The following CYP19A1 variants were observed in gnomAD, a reference collection of about 807,000 sequenced individuals.
CYP19A1 encodes the protein cytochrome P450 family 19 subfamily A member 1, also known as aromatase.
Under a neutral mutation model 44.4 loss-of-function variants are expected in CYP19A1, and 32 were observed. The ratio of observed to expected loss-of-function variants is 0.72; its 90% CI spans 0.54 to 0.97. The LOEUF is 0.97. Among genes scored for constraint, CYP19A1 ranks in the 50% least tolerant of loss-of-function variants. The pLI, the probability that CYP19A1 is intolerant of heterozygous loss-of-function variation, is 0.00. For synonymous variants in CYP19A1, 212 were observed against 215.6 expected, an observed-to-expected ratio of 0.98 and a Z score of 0.14; for missense variants, 598 against 637.8, an observed-to-expected ratio of 0.94 and a Z score of 0.67.
At position 51,222,410 on chromosome 15, in the gene CYP19A1, G is replaced by A. The variant is rs1200447361; in HGVS notation, c.567C>T (p.Thr189=). The A allele has an allele frequency of 6.2e-7, 1 of 1,614,010 alleles. No homozygotes were observed. The highest frequency in any genetic ancestry group is 1.3e-5 in the African/African-American group (1 of 74,908). The change falls in exon 5 of 10, where the codon ACC becomes ACT. Residue 189 remains threonine, a synonymous_variant. Coordinates refer to ENST00000396402, the MANE Select transcript of CYP19A1 (RefSeq NM_000103.4). ...TNESGYVDVL[T]LLRRVMLDTS... ...TGTCCAGCATGACACGACGCAGAAG[G>A]GTCAACACGTCCACATAGCCCGATT...
At chr15:51,230,589 A>C (rs1411277189) in intron 3 of CYP19A1, among the ~76,000 whole-genome samples, 2 of 149,820 alleles carry the variant, frequency 1.3e-5, no homozygotes, top group Non-Finnish European at 3.0e-5. Flanking sequence ...AGTGATGAGG[A>C]GGCAATTAAT....
At chr15:51,222,098 A>G in intron 5 of CYP19A1, 1 of 622,830 alleles carries the variant, frequency 1.6e-6, no homozygotes, top group Non-Finnish European at 2.7e-6. Flanking sequence ...AACTGTGGGT[A>G]GAATTCTATT....
At position 51,265,964 on chromosome 15, in the gene CYP19A1, T is replaced by TC. The variant is rs751951016; in HGVS notation, c.-38-23015dup. ...AGAGGATATGCCTGGTCTGGATAAATCTAGTGATAGCTCCAGAAACATAGC... is the reference window on the plus strand; with the variant it reads ...AGAGGATATGCCTGGTCTGGATAAATCCTAGTGATAGCTCCAGAAACATAGC... On this transcript the variant is annotated intron_variant, in intron 1 of 9. Coordinates refer to ENST00000396402, the MANE Select transcript of CYP19A1 (RefSeq NM_000103.4). Among the ~76,000 whole-genome samples the TC allele has an allele frequency of 3.3e-5, 5 of 152,326 alleles. No individual in the cohort carries two copies. In the East Asian group the frequency reaches 9.6e-4, roughly 29 times the overall value.
chr15:51,262,158 C>T (rs1393488034), intron 1 of CYP19A1, among the ~76,000 whole-genome samples: 6 of 152,226 alleles, frequency 3.9e-5, no homozygotes, highest in East Asian at 1.9e-4. Context: ...ATAGCATGAG[C>T]GATCTGTGCC....
At chr15:51,297,755 T>C (rs376761381) in intron 1 of CYP19A1, among the ~76,000 whole-genome samples, 3 of 150,822 alleles carry the variant, frequency 2.0e-5, no homozygotes, top group Non-Finnish European at 2.9e-5. Flanking sequence ...AAAATTCTCA[T>C]TGTAGTCTCC....
intron 3 of CYP19A1, among the ~76,000 whole-genome samples, chr15:51,229,358 C>T (rs1005713712): frequency 1.3e-5 from 2 of 149,500 alleles, no homozygotes; most frequent in African/African-American, 4.9e-5. Flanking sequence ...CCATTGCACT[C>T]CAACCTAGGT....
At chr15:51,263,436 G>A (rs1429246290) in intron 1 of CYP19A1, among the ~76,000 whole-genome samples, 2 of 152,236 alleles carry the variant, frequency 1.3e-5, no homozygotes, top group East Asian at 1.9e-4. Context: ...AAGCGTGGCT[G>A]TTAAAGGAGA....
chr15:51,218,634 A>C lies in CYP19A1; in HGVS notation c.650T>G (p.Ile217Ser). The C allele has an allele frequency of 6.2e-7, 1 of 1,613,550 alleles. No individual in the cohort carries two copies. Among genetic ancestry groups the C allele is most frequent in the Non-Finnish European group, 8.5e-7 (1 of 1,179,788 alleles). ...PLDESAIVVKIQGYFDAWQAL... is the reference protein window; with the variant it reads ...PLDESAIVVKSQGYFDAWQAL... ...TTGCCATGCATCAAAATAACCTTGG[A>C]TTTTAACCACGATAGCACTTTCTGT... Residue 217 changes from isoleucine (I) to serine (S), a missense_variant, in exon 6 of 10, where the codon ATC becomes AGC. Coordinates refer to ENST00000396402, the MANE Select transcript of CYP19A1 (RefSeq NM_000103.4).
chr15:51,288,432 C>A (rs1220446985), intron 1 of CYP19A1, among the ~76,000 whole-genome samples: 1 of 152,188 alleles, frequency 6.6e-6, no homozygotes. Context: ...CATCCCACAC[C>A]CTTTGGGGGT....
chr15:51,223,475 G>A (rs957627923), intron 4 of CYP19A1, among the ~76,000 whole-genome samples: 2 of 151,804 alleles, frequency 1.3e-5, no homozygotes, highest in Non-Finnish European at 2.9e-5. Context: ...ATTCAGGTTT[G>A]CTGTTAACAT....
intron 1 of CYP19A1, among the ~76,000 whole-genome samples, chr15:51,272,481 G>C (rs1182577895): frequency 6.6e-6 from 1 of 152,180 alleles, no homozygotes; most frequent in Non-Finnish European, 1.5e-5. Flanking sequence ...TGGCAGAAGA[G>C]TTTGAGCTTC....
At chr15:51,268,615 T>TA (rs1354606629) in intron 1 of CYP19A1, among the ~76,000 whole-genome samples, 2 of 150,738 alleles carry the variant, frequency 1.3e-5, no homozygotes, top group African/African-American at 4.9e-5. Flanking sequence ...TTCTCTTGAG[T>TA]AAAAATCTAA....
chr15:51,278,747 T>C (rs2035415074), intron 1 of CYP19A1, among the ~76,000 whole-genome samples: 1 of 152,162 alleles, frequency 6.6e-6, no homozygotes, highest in Non-Finnish European at 1.5e-5. Context: ...TTCTCTCCTG[T>C]ACTGAGATAT....
At chr15:51,244,435 A>G (rs370789102) in intron 1 of CYP19A1, among the ~76,000 whole-genome samples, 1 of 151,932 alleles carries the variant, frequency 6.6e-6, no homozygotes, top group Admixed American at 6.6e-5. Context: ...CTGAAAGCAC[A>G]TTGTGCTTAT....
At chr15:51,333,211 T>C (rs1481235234) in intron 1 of CYP19A1, among the ~76,000 whole-genome samples, 1 of 152,072 alleles carries the variant, frequency 6.6e-6, no homozygotes, top group African/African-American at 2.4e-5. Flanking sequence ...AGTATAAGGG[T>C]AATGTTTTCT....
At position 51,215,814 on chromosome 15, in the gene CYP19A1, C is replaced by T; in HGVS notation, c.747G>A (p.Lys249=). 3 of 1,613,624 alleles carry T rather than the reference C, an allele frequency of 1.9e-6. No individual in the cohort carries two copies. Among genetic ancestry groups the T allele is most frequent in the Non-Finnish European group, 2.5e-6 (3 of 1,179,916 alleles). ...WLYKKYEKSV[K]DLKDAIEVLI... is the part of the protein sequence containing the mutation. Reference sequence around the variant, plus strand: ...GAACTTCTATGGCATCTTTCAAATCCTTGCTGGAAAAAAAGTCAAAATATT... The same window carrying T: ...GAACTTCTATGGCATCTTTCAAATCTTTGCTGGAAAAAAAGTCAAAATATT... The change falls in exon 7 of 10, where the codon AAG becomes AAA. Residue 249 remains lysine (K), a synonymous_variant. Transcript: ENST00000396402.
intron 5 of CYP19A1, among the ~76,000 whole-genome samples, chr15:51,220,057 C>T (rs2031936089): frequency 6.6e-6 from 1 of 152,104 alleles, no homozygotes; most frequent in African/African-American, 2.4e-5. Flanking sequence ...TCTATGTGCC[C>T]AAGTGTAGTA....
At position 51,260,193 on chromosome 15, in the gene CYP19A1, C is replaced by T. The variant is rs918254858; in HGVS notation, c.-38-17243G>A. Among the ~76,000 whole-genome samples, 4 of 152,142 alleles carry T rather than the reference C, an allele frequency of 2.6e-5. 1 individual carries two copies. The highest frequency in any genetic ancestry group is 4.1e-4 in the South Asian group (2 of 4,830). On this transcript the variant is annotated intron_variant, in intron 1 of 9. Transcript: ENST00000396402. ...GTGGCATGCTCTAGGTGATGATATA[C>T]GACACAGATTCAGATGTATTTTGAG... is the stretch of plus-strand genomic sequence containing the variant.
At chr15:51,307,929 T>C (rs1300859394) in intron 1 of CYP19A1, among the ~76,000 whole-genome samples, 1 of 152,200 alleles carries the variant, frequency 6.6e-6, no homozygotes, top group African/African-American at 2.4e-5. Context: ...ATCTACAGTA[T>C]ACCAAGCCCT....
Sources: allele counts gnomAD v4.1 joint callset (sites outside exome capture counted in the v4.1 genomes callset), GRCh38; gene constraint gnomAD v4.1.1; transcripts MANE v1.5; gene names NCBI Gene and HGNC (gene_info 2026-07-23, HGNC 2026-07-21).